Variants in RGS14 observed in about 807,000 individuals in gnomAD.
The protein encoded by RGS14 is regulator of G protein signaling 14.
In RGS14, 33 loss-of-function variants were observed where a neutral mutation model predicts 63.8. The ratio of observed to expected loss-of-function variants is 0.52; its 90% CI spans 0.39 to 0.69. RGS14 has a LOEUF of 0.69. Among genes scored for constraint, RGS14 ranks in the 30% least tolerant of loss-of-function variants. RGS14 has a pLI of 0.00. For synonymous variants in RGS14, 296 were observed against 320.9 expected, an observed-to-expected ratio of 0.92 and a Z score of 0.83; for missense variants, 739 against 742.9, an observed-to-expected ratio of 0.99 and a Z score of 0.06.
At position 177,369,730 on chromosome 5, in the gene RGS14, C is replaced by T. The variant is rs144457147; in HGVS notation, c.1053+810C>T. On this transcript the variant is annotated intron_variant, in intron 9 of 14. Coordinates refer to ENST00000408923, the MANE Select transcript of RGS14 (RefSeq NM_006480.5). ...GCAAAGGCCTGCAGGTGGGTACTTG[C>T]GGGGCATGTTCAGGGGCCTGGAGTG... 1.2e-4 allele frequency among the ~76,000 whole-genome samples: 19 copies of T among 152,314 alleles called. No individual in the cohort carries two copies. The South Asian group carries it at 1.5e-3, about 12-fold the overall frequency.
intron 1 of RGS14, among the ~76,000 whole-genome samples, chr5:177,361,620 A>G (rs1216825626): frequency 6.6e-6 from 1 of 152,100 alleles, no homozygotes; most frequent in Non-Finnish European, 1.5e-5. Context: ...CTCATCTGTA[A>G]AATGGGGGTA....
chr5:177,362,575 C>G (rs1212551816), intron 1 of RGS14, among the ~76,000 whole-genome samples: 1 of 152,058 alleles, frequency 6.6e-6, no homozygotes, highest in African/African-American at 2.4e-5. Flanking sequence ...CAATTCCAAG[C>G]GAAGAGCAGG....
At chr5:177,366,440 C>A in intron 3 of RGS14, 85 bp downstream of exon 3, 1 of 1,232,824 alleles carries the variant, frequency 8.1e-7, no homozygotes, top group South Asian at 1.6e-5. Flanking sequence ...GAGTGGGGTC[C>A]TCTGTCAGCT....
chr5:177,372,110 C>A lies in RGS14; in HGVS notation c.*35C>A. The A allele has an allele frequency of 6.3e-7, 1 of 1,588,314 alleles. No homozygotes were observed. Among genetic ancestry groups the A allele is most frequent in the Non-Finnish European group, 8.6e-7 (1 of 1,160,582 alleles). ...AACAGTCCAGGACAGCTGCATGGCA[C>A]CCGGCGGGCCGAGCATGCCATGGGT... On this transcript the variant is annotated 3_prime_UTR_variant, in exon 15 of 15. Coordinates refer to ENST00000408923, the MANE Select transcript of RGS14 (RefSeq NM_006480.5).
At position 177,371,165 on chromosome 5, in the gene RGS14, C is replaced by G. The variant is rs564697804; in HGVS notation, c.1255C>G (p.Pro419Ala). The G allele has an allele frequency of 6.2e-7, 1 of 1,611,518 alleles. No homozygotes were observed. The highest frequency in any genetic ancestry group is 1.7e-5 in the Admixed American group (1 of 59,886). The change falls in exon 12 of 15, where the codon CCA (proline) becomes GCA (alanine). Residue 419 changes from proline (P) to alanine (A), a missense_variant and splice_region_variant. Coordinates refer to ENST00000408923, the MANE Select transcript of RGS14 (RefSeq NM_006480.5). The surrounding 1 kb of genome is among the most constrained non-coding windows in gnomAD (Gnocchi z 6.1). ...GCGGGCTGCTGACCTCTCCCCACAG[C>G]CAGGCGAGAAACAGCCTCTGGATCT... is the stretch of plus-strand genomic sequence containing the variant. ...LSPLEVVLHR[P>A]GEKQPLDLGK... is the part of the protein sequence containing the mutation.
At chr5:177,360,939 G>A (rs1240999188) in intron 1 of RGS14, among the ~76,000 whole-genome samples, 2 of 152,138 alleles carry the variant, frequency 1.3e-5, no homozygotes, top group African/African-American at 2.4e-5. Context: ...TGTAGGAGAC[G>A]GTCCCTAAAG....
chr5:177,367,999 G>A (rs750852182), intron 7 of RGS14, 158 bp from the exon 8 acceptor site: 19 of 1,443,286 alleles, frequency 1.3e-5, no homozygotes, highest in Non-Finnish European at 1.7e-5. Flanking sequence ...CTAGACCTCA[G>A]ACGTTTGGAA....
chr5:177,370,512 G>T, intron 9 of RGS14, 79 bp from the exon 10 acceptor site: 1 of 1,286,590 alleles, frequency 7.8e-7, no homozygotes, highest in Non-Finnish European at 1.1e-6. Context: ...ATGGGAGGGC[G>T]TGAAGTTGTT....
rs1275119061 is a variant in RGS14 at position 177,372,051 on chromosome 5, C to T, written c.1677C>T (p.Asn559=). The change falls in exon 15 of 15, where the codon AAC becomes AAT. Residue 559 remains asparagine (N), a synonymous_variant. Coordinates refer to ENST00000408923, the MANE Select transcript of RGS14 (RefSeq NM_006480.5). ...SAAQPIGGSL[N]STTDSAL is the part of the protein sequence containing the mutation. Reference sequence around the variant, plus strand: ...CCCAGCCCATCGGGGGATCCTTGAACTCCACCACCGACTCAGCCCTCTGAC... The same window carrying T: ...CCCAGCCCATCGGGGGATCCTTGAATTCCACCACCGACTCAGCCCTCTGAC... 3.7e-6 allele frequency: 6 copies of T among 1,614,064 alleles called. No individual in the cohort carries two copies. Among genetic ancestry groups the T allele is most frequent in the Non-Finnish European group, 5.1e-6 (6 of 1,179,986 alleles).
rs2127328717 is a variant in RGS14, at chr5:177,364,144, A to T, written c.46-1819A>T. On this transcript the variant is annotated intron_variant, in intron 1 of 14. Transcript: ENST00000408923. The surrounding 1 kb of genome is among the most constrained non-coding windows in gnomAD (Gnocchi z 4.6). ...ACCTGAATACTCTCAGGGTGGGAGT[A>T]GGAAACAGAGAGGAAGGTTCCATTC... Among the ~76,000 whole-genome samples, 1 of 151,640 alleles carries T rather than the reference A, an allele frequency of 6.6e-6. No homozygotes were observed. The highest frequency in any genetic ancestry group is 1.9e-4 in the East Asian group (1 of 5,150).
chr5:177,370,474 C>A, intron 9 of RGS14, 117 bp from the exon 10 acceptor site: 3 of 880,374 alleles, frequency 3.4e-6, no homozygotes, highest in African/African-American at 1.6e-5. Flanking sequence ...ACCCTCCATC[C>A]CTTCCTCTAG....
chr5:177,366,453 C>T, intron 3 of RGS14, 98 bp downstream of exon 3: 2 of 1,090,684 alleles, frequency 1.8e-6, no homozygotes, highest in Admixed American at 2.7e-5. Flanking sequence ...TGTCAGCTTC[C>T]TCATCTAGCC....
chr5:177,370,014 G>A (rs1762199896), intron 9 of RGS14, among the ~76,000 whole-genome samples: 1 of 152,264 alleles, frequency 6.6e-6, no homozygotes, highest in African/African-American at 2.4e-5. Context: ...CTGTGTGCCA[G>A]GCATTGTGCC....
chr5:177,370,863 G>A, intron 10 of RGS14, 42 bp from the exon 11 acceptor site: 1 of 1,555,670 alleles, frequency 6.4e-7, no homozygotes, highest in Non-Finnish European at 8.6e-7. Flanking sequence ...TTTGGCGGGG[G>A]GCCGGCCCTC....
rs1262489086 is a variant in RGS14, at chr5:177,358,414, T to C, written c.45+345T>C. 1.3e-5 allele frequency among the ~76,000 whole-genome samples: 2 copies of C among 152,032 alleles called. No individual in the cohort carries two copies. Among genetic ancestry groups the C allele is most frequent in the Non-Finnish European group, 2.9e-5 (2 of 67,990 alleles). On this transcript the variant is annotated intron_variant, in intron 1 of 14. Transcript: ENST00000408923. The surrounding 1 kb of genome is among the most constrained non-coding windows in gnomAD (Gnocchi z 4.8). ...GCCCCCTGCCCATCCCCACAGTGGC[T>C]CAAGCCCCTACATCCCGCTCAGCCT...
intron 1 of RGS14, among the ~76,000 whole-genome samples, chr5:177,362,610 G>C (rs2127326985): frequency 1.3e-5 from 2 of 152,360 alleles, no homozygotes; most frequent in East Asian, 3.9e-4. Context: ...CACTGGCAAT[G>C]GCAAAGCCGG....
At position 177,371,046 on chromosome 5, in the gene RGS14, C is replaced by CGCG. The variant is rs778757673; in HGVS notation, c.1254+17_1254+19dup. 1.7e-5 allele frequency: 23 copies of CGCG among 1,357,760 alleles called. 1 individual carries two copies. In the African/African-American group the frequency reaches 4.8e-4, roughly 28 times the overall value. The allele number at this position is 1,357,760 out of a possible 1,614,324, so 84.1% of individuals were successfully genotyped here. A position where few individuals can be genotyped will look rare whatever the true frequency, so the allele number is the denominator to read the frequency against. On this transcript the variant is annotated intron_variant, in intron 11 of 14. Coordinates refer to ENST00000408923, the MANE Select transcript of RGS14 (RefSeq NM_006480.5). This position sits in a 1 kb window ranked among gnomAD's most constrained non-coding sequence, Gnocchi z 6.1. ...TGCTGCACCGGGTGAGCTTCCGGGC[C>CGCG]GCGGGGCGGGGCGGGGCGGGGCCGG...
At chr5:177,370,554 G>A (rs770182553) in intron 9 of RGS14, 37 bp from the exon 10 acceptor site, 3 of 1,593,536 alleles carry the variant, frequency 1.9e-6, no homozygotes, top group African/African-American at 1.3e-5. Flanking sequence ...GGGGGTTGGG[G>A]GAGGGACTCT....
chr5:177,365,848 C>T (rs771456856), intron 1 of RGS14, 115 bp from the exon 2 acceptor site: 46 of 1,049,426 alleles, frequency 4.4e-5, no homozygotes, highest in East Asian at 2.8e-4. Flanking sequence ...AGAACCTGGC[C>T]GGGGATGCCC....
Sources: gnomAD v4.1 joint callset for allele counts (sites outside exome capture counted in the v4.1 genomes callset) on GRCh38, gnomAD v4.1.1 for gene constraint, Gnocchi (gnomAD v3.1) non-coding constraint, MANE v1.5 for transcripts, NCBI Gene and HGNC (gene_info 2026-07-23, HGNC 2026-07-21) for gene names.